PPP2R2A: variants seen among roughly 807,000 people sequenced by gnomAD.
The protein encoded by PPP2R2A is serine/threonine-protein phosphatase 2A 55 kDa regulatory subunit B alpha isoform.
A neutral mutation model predicts 53.2 loss-of-function variants in PPP2R2A; 9 were observed. That is an observed-to-expected ratio of 0.17 (90% CI 0.10 to 0.30). The LOEUF (loss-of-function observed/expected upper bound fraction) is 0.30, where lower values mean the gene tolerates loss of function less well. Ranked by LOEUF, PPP2R2A falls within the 10% of genes least tolerant of loss-of-function variation. PPP2R2A has a pLI of 1.00. For synonymous variants in PPP2R2A, 169 were observed against 174.2 expected (o/e 0.97, Z 0.23); for missense variants, 235 against 534.6 (o/e 0.44, Z 5.53).
intron 3 of PPP2R2A, among the ~76,000 whole-genome samples, chr8:26,342,840 A>T (rs775711176): frequency 6.6e-6 from 1 of 152,184 alleles, no homozygotes; most frequent in Non-Finnish European, 1.5e-5. Flanking sequence ...TATTGTTAAT[A>T]TGATAGTATT....
chr8:26,338,446 A>G lies in PPP2R2A; in HGVS notation c.83-444A>G, dbSNP rs1255905828. ...GAATTTATGACTTAAAATTCCATCT[A>G]AAAGTATTTTTACATTTAAAATTCC... On this transcript the variant is annotated intron_variant, in intron 2 of 9. Coordinates refer to ENST00000380737, the MANE Select transcript of PPP2R2A (RefSeq NM_002717.4). The surrounding 1 kb of genome is among the most constrained non-coding windows in gnomAD (Gnocchi z 4.5). 6.6e-6 allele frequency among the ~76,000 whole-genome samples: 1 copy of G among 152,234 alleles called. No homozygotes were observed. Among genetic ancestry groups the G allele is most frequent in the East Asian group, 1.9e-4 (1 of 5,202 alleles).
intron 2 of PPP2R2A, among the ~76,000 whole-genome samples, chr8:26,315,508 G>C (rs1802507169): frequency 6.6e-6 from 1 of 152,146 alleles, no homozygotes; most frequent in African/African-American, 2.4e-5. Flanking sequence ...CTCTCAAATT[G>C]ATACCTTCTC....
intron 3 of PPP2R2A, among the ~76,000 whole-genome samples, chr8:26,351,357 T>C (rs879490480): frequency 5.9e-5 from 9 of 152,112 alleles, no homozygotes; most frequent in Non-Finnish European, 8.8e-5. Context: ...TCAGCCTTAC[T>C]ACCTTATAAA....
intron 2 of PPP2R2A, among the ~76,000 whole-genome samples, chr8:26,308,096 C>T (rs542196273): frequency 1.7e-4 from 26 of 152,270 alleles, no homozygotes; most frequent in African/African-American, 6.3e-4. Context: ...TGTATAATAG[C>T]GTTAATGTCT....
At chr8:26,340,967 A>G (rs1234645306) in intron 3 of PPP2R2A, among the ~76,000 whole-genome samples, 1 of 152,134 alleles carries the variant, frequency 6.6e-6, no homozygotes, top group African/African-American at 2.4e-5. Flanking sequence ...CTAATATTTT[A>G]ACTACATTTT....
chr8:26,342,066 T>G (rs1419242564), intron 3 of PPP2R2A, among the ~76,000 whole-genome samples: 1 of 152,208 alleles, frequency 6.6e-6, no homozygotes, highest in African/African-American at 2.4e-5. Context: ...GACTGATAAT[T>G]GTTTAATATT....
At position 26,362,929 on chromosome 8, in the gene PPP2R2A, A is replaced by G. The variant is rs1368402492; in HGVS notation, c.802+81A>G. On this transcript the variant is annotated intron_variant, in intron 7 of 9. Coordinates refer to ENST00000380737, the MANE Select transcript of PPP2R2A (RefSeq NM_002717.4). The surrounding 1 kb of genome is among the most constrained non-coding windows in gnomAD (Gnocchi z 4.4). ...AGCCTCAGACATGATAAGTACAATT[A>G]CAGAGGTTCAAAGTCTTAAACCCGT... 15 of 1,382,580 alleles carry G rather than the reference A, an allele frequency of 1.1e-5. No individual in the cohort carries two copies. The highest frequency in any genetic ancestry group is 1.4e-5 in the African/African-American group (1 of 69,726). The allele number at this position is 1,382,580 out of a possible 1,614,324, so 85.6% of individuals were successfully genotyped here.
intron 4 of PPP2R2A, among the ~76,000 whole-genome samples, chr8:26,359,838 G>A (rs2019239): frequency 0.72 from 109,048 of 152,086 alleles, 39,324 homozygotes; most frequent in East Asian, 0.88. Context: ...TTACATGTAG[G>A]TACAGACATA....
chr8:26,310,331 C>T (rs1802227925), intron 2 of PPP2R2A, among the ~76,000 whole-genome samples: 1 of 134,612 alleles, frequency 7.4e-6, no homozygotes. Context: ...TAAAAGTATG[C>T]CTGTATAATC....
In PPP2R2A at chr8:26,370,572, C is replaced by A; in HGVS notation, c.*159C>A. 1.2e-6 allele frequency: 1 copy of A among 813,682 alleles called. No individual in the cohort carries two copies. The highest frequency in any genetic ancestry group is 1.9e-6 in the Non-Finnish European group (1 of 528,294). The allele number at this position is 813,682 out of a possible 1,614,324, so 50.4% of individuals were successfully genotyped here. On this transcript the variant is annotated 3_prime_UTR_variant, in exon 10 of 10. Coordinates refer to ENST00000380737, the MANE Select transcript of PPP2R2A (RefSeq NM_002717.4). The surrounding 1 kb of genome is among the most constrained non-coding windows in gnomAD (Gnocchi z 6.1). ...CATTGTTATAGCTACATGGAGAAAG[C>A]TCTGTGGATTCATCACTGTGGTGTT...
At chr8:26,356,648 A>C (rs1313016931) in intron 4 of PPP2R2A, among the ~76,000 whole-genome samples, 9 of 152,248 alleles carry the variant, frequency 5.9e-5, no homozygotes. Flanking sequence ...CATTTATATA[A>C]TTTCTACTTT....
intron 1 of PPP2R2A, among the ~76,000 whole-genome samples, chr8:26,292,889 T>G (rs1287432222): frequency 2.6e-5 from 4 of 152,240 alleles, no homozygotes; most frequent in East Asian, 3.8e-4. Flanking sequence ...TATTCATTAT[T>G]TAGATAATTA....
chr8:26,301,674 C>T lies in PPP2R2A; in HGVS notation c.82+7934C>T, dbSNP rs111691359. 1.5e-3 allele frequency among the ~76,000 whole-genome samples: 235 copies of T among 152,214 alleles called. 2 individuals carry two copies. The highest frequency in any genetic ancestry group is 5.5e-3 in the African/African-American group (230 of 41,504). On this transcript the variant is annotated intron_variant, in intron 2 of 9. Transcript: ENST00000380737. Reference sequence around the variant, plus strand: ...TTGTACATATGTGCATTTCTCTGGTCGGAGTCCGTAGCTGCCATCAAAATT... The same window carrying T: ...TTGTACATATGTGCATTTCTCTGGTTGGAGTCCGTAGCTGCCATCAAAATT...
chr8:26,296,655 T>C (rs184396483), intron 2 of PPP2R2A, among the ~76,000 whole-genome samples: 50 of 152,352 alleles, frequency 3.3e-4, no homozygotes, highest in Non-Finnish European at 5.0e-4. Flanking sequence ...TCGTACCTTA[T>C]GCAGGCATGA....
chr8:26,361,186 A>G (rs750120364), intron 6 of PPP2R2A, 35 bp downstream of exon 6: 28 of 1,530,010 alleles, frequency 1.8e-5, no homozygotes, highest in African/African-American at 2.8e-5. Context: ...TTTGGTGAAG[A>G]AGGCATGTTG....
In PPP2R2A at chr8:26,371,270, A is replaced by G. The variant is rs897877749; in HGVS notation, c.*857A>G. The G allele has an allele frequency of 6.6e-6, 1 of 151,380 alleles. No individual in the cohort carries two copies. The highest frequency in any genetic ancestry group is 6.6e-5 in the Admixed American group (1 of 15,202). The allele number at this position is 151,380 out of a possible 1,614,324, so 9.4% of individuals were successfully genotyped here. A position where few individuals can be genotyped will look rare whatever the true frequency, so the allele number is the denominator to read the frequency against. Reference sequence around the variant, plus strand: ...TTATTTTTAACAAGTGTTCTTTTACATGCAGGAGGAGAGGTATTGGTTCTC... The same window carrying G: ...TTATTTTTAACAAGTGTTCTTTTACGTGCAGGAGGAGAGGTATTGGTTCTC... On this transcript the variant is annotated 3_prime_UTR_variant, in exon 10 of 10. Coordinates refer to ENST00000380737, the MANE Select transcript of PPP2R2A (RefSeq NM_002717.4).
intron 2 of PPP2R2A, among the ~76,000 whole-genome samples, chr8:26,316,132 G>A (rs1366494794): frequency 2.6e-5 from 4 of 152,006 alleles, no homozygotes; most frequent in African/African-American, 9.7e-5. Context: ...AGCCTCCCGA[G>A]TAGCTGGGAC....
At chr8:26,293,369 A>G (rs1422117120) in intron 1 of PPP2R2A, 2 of 1,191,268 alleles carry the variant, frequency 1.7e-6, no homozygotes, top group Non-Finnish European at 1.2e-6. Context: ...TTTTTCTGGT[A>G]GGTCTTGCCT....
intron 2 of PPP2R2A, among the ~76,000 whole-genome samples, chr8:26,329,514 C>A (rs1563301497): frequency 6.6e-6 from 1 of 152,122 alleles, no homozygotes; most frequent in Non-Finnish European, 1.5e-5. Flanking sequence ...GTACAAAACC[C>A]CCTTTTCCTA....
Sources: allele counts gnomAD v4.1 joint callset (sites outside exome capture counted in the v4.1 genomes callset), GRCh38; gene constraint gnomAD v4.1.1; non-coding constraint Gnocchi (gnomAD v3.1); transcripts MANE v1.5; gene names NCBI Gene and HGNC (gene_info 2026-07-23, HGNC 2026-07-21).